The following LHX3 variants were observed in gnomAD, a reference collection of about 807,000 sequenced individuals.
The protein encoded by LHX3 is LIM homeobox 3.
LHX3 carries 21 observed loss-of-function variants against 32.4 expected under a neutral mutation model. The observed-to-expected ratio is 0.65, with a 90% confidence interval of 0.46 to 0.93. LHX3 has a LOEUF of 0.93. LHX3 is among the 40% of genes least tolerant of loss of function. The pLI is 0.00. For synonymous variants in LHX3, 258 were observed against 246.8 expected, an observed-to-expected ratio of 1.05 and a Z score of -0.43; for missense variants, 626 against 560.0, an observed-to-expected ratio of 1.12 and a Z score of -1.19.
chr9:136,197,849 C>A, intron 5 of LHX3, 106 bp from the exon 6 acceptor site: 1 of 1,198,562 alleles, frequency 8.3e-7, no homozygotes, highest in Non-Finnish European at 1.2e-6. Flanking sequence ...AGAGTGGCTG[C>A]CCCACACCAC....
intron 3 of LHX3, 109 bp downstream of exon 3, chr9:136,199,569 C>G: frequency 1.6e-6 from 2 of 1,214,156 alleles, no homozygotes; most frequent in Admixed American, 3.6e-5. Context: ...GCCCAGGCCC[C>G]CTTAGTGAGC....
chr9:136,200,038 G>A, intron 2 of LHX3, 158 bp from the exon 3 acceptor site: 1 of 757,434 alleles, frequency 1.3e-6, no homozygotes. Flanking sequence ...CCGGGGCAGA[G>A]CTGCCCACTC....
At chr9:136,199,935 C>T (rs1039431381) in intron 2 of LHX3, 55 bp from the exon 3 acceptor site, 10 of 1,529,140 alleles carry the variant, frequency 6.5e-6, no homozygotes, top group East Asian at 2.4e-5. Context: ...CATTTCGCCC[C>T]GAGCGGGTTG....
At chr9:136,197,810 G>T in intron 5 of LHX3, 67 bp from the exon 6 acceptor site, 1 of 1,538,728 alleles carries the variant, frequency 6.5e-7, no homozygotes, top group African/African-American at 1.4e-5. Flanking sequence ...GTCCCATCCT[G>T]CAGGCGGAGG....
chr9:136,204,823 C>T, intron 1 of LHX3, 111 bp downstream of exon 1: 2 of 888,342 alleles, frequency 2.3e-6, no homozygotes, highest in Admixed American at 2.1e-5. Context: ...TGTGTCCCGC[C>T]TGCAGAGCGG....
chr9:136,205,002 TC>T lies in LHX3; in HGVS notation c.10del (p.Glu4LysfsTer169). 1 of 1,587,250 alleles carries T rather than the reference TC, an allele frequency of 6.3e-7. No homozygotes were observed. On this transcript the variant is annotated frameshift_variant, in exon 1 of 6. Coordinates refer to ENST00000371748, the MANE Select transcript of LHX3 (RefSeq NM_178138.6). LOFTEE classifies it high-confidence loss of function. MLL[E>X]TGLERDRARP... ...CGCTCGGTCGCGCTCGAGCCCCGTTTCCAGCAGCATCGCGGCCACCAGGCCG... is the reference window on the plus strand; with the variant it reads ...CGCTCGGTCGCGCTCGAGCCCCGTTTCAGCAGCATCGCGGCCACCAGGCCG...
Position 136,197,464 on chromosome 9 carries a change from G to A in LHX3, c.1055C>T (p.Pro352Leu). 6.3e-7 allele frequency: 1 copy of A among 1,576,938 alleles called. No homozygotes were observed. The highest frequency in any genetic ancestry group is 8.6e-7 in the Non-Finnish European group (1 of 1,162,242). The change falls in exon 6 of 6, where the codon CCC (proline) becomes CTC (leucine). Residue 352 changes from proline to leucine, a missense_variant. By Grantham distance (98) the Pro-to-Leu change is moderately conservative. Coordinates refer to ENST00000371748, the MANE Select transcript of LHX3 (RefSeq NM_178138.6). The stretch of plus-strand genomic sequence containing the variant: ...CACCCTCATGGGTGGGGGCCCGCCG[G>A]GGGCTCCCGAGGGCACAAGGCCCAA... ...TSLGLVPSGA[P>L]GGPPPMRVLA...
Position 136,205,100 on chromosome 9 carries a change from C to A in LHX3, c.-88G>T. 6 of 1,173,860 alleles carry A rather than the reference C, an allele frequency of 5.1e-6. No homozygotes were observed. The highest frequency in any genetic ancestry group is 1.5e-5 in the South Asian group (1 of 68,284). The allele number at this position is 1,173,860 out of a possible 1,614,324, so 72.7% of individuals were successfully genotyped here. A position where few individuals can be genotyped will look rare whatever the true frequency, so the allele number is the denominator to read the frequency against. ...TCGGGGCTCCCAAGTCCCGCCGCGT[C>A]GTGCGGGGCAGGGAGCCCGGGAGCC... On this transcript the variant is annotated 5_prime_UTR_variant, in exon 1 of 6. Transcript: ENST00000371748.
intron 2 of LHX3, 48 bp downstream of exon 2, chr9:136,200,534 G>A: frequency 6.3e-7 from 1 of 1,590,584 alleles, no homozygotes; most frequent in Non-Finnish European, 8.6e-7. Context: ...AGTCCCTGGG[G>A]CAGGCGTGCC....
intron 1 of LHX3, among the ~76,000 whole-genome samples, chr9:136,203,356 A>C (rs1831692959): frequency 6.6e-6 from 1 of 152,026 alleles, no homozygotes; most frequent in South Asian, 2.1e-4. Flanking sequence ...GGCACCGGTA[A>C]GGGAGGGCCC....
intron 2 of LHX3, chr9:136,200,097 C>A: frequency 1.5e-6 from 1 of 678,230 alleles, no homozygotes; most frequent in Non-Finnish European, 2.7e-6. Flanking sequence ...GGAGCCCAGC[C>A]GCCATTGCCT....
rs540900711 is a variant in LHX3, at chr9:136,201,282, G to T, written c.80-529C>A. 2.8e-4 allele frequency: 351 copies of T among 1,269,928 alleles called. 1 individual carries two copies. The African/African-American group carries it at 3.8e-3, about 14-fold the overall frequency. The allele number at this position is 1,269,928 out of a possible 1,614,324, so 78.7% of individuals were successfully genotyped here. The stretch of plus-strand genomic sequence containing the variant: ...GTGGCCCTGTCTGCAGGCCTCCGGG[G>T]TAAATATCAATGCCTTCCCCATCAT... On this transcript the variant is annotated intron_variant, in intron 1 of 5. Coordinates refer to ENST00000371748, the MANE Select transcript of LHX3 (RefSeq NM_178138.6).
Position 136,200,681 on chromosome 9 carries a change from C to T in LHX3, c.152G>A (p.Trp51Ter). 4 of 1,613,570 alleles carry T rather than the reference C, an allele frequency of 2.5e-6. No homozygotes were observed. Among genetic ancestry groups the T allele is most frequent in the Non-Finnish European group, 3.4e-6 (4 of 1,180,000 alleles). ...GCTGCACTTGAGACACTTGCTGTGC[C>T]AGTGGCGGTCCAGAGCCTTGAGGAT... ...RFILKALDRH[W>*]HSKCLKCSDC... Residue 51 changes from tryptophan (W) to a stop codon, truncating the protein, a stop_gained, in exon 2 of 6, where the codon TGG becomes TAG. Transcript: ENST00000371748. LOFTEE classifies it high-confidence loss of function.
At position 136,200,622 on chromosome 9, in the gene LHX3, T is replaced by C; in HGVS notation, c.211A>G (p.Ser71Gly). Residue 71 changes from serine (S) to glycine (G), a missense_variant, in exon 2 of 6, where the codon AGC (serine) becomes GGC (glycine). Transcript: ENST00000371748. ...CHTPLAERCFSRGESVYCKDD... is the reference protein window; with the variant it reads ...CHTPLAERCFGRGESVYCKDD... ...TTGCAGTAAACGCTCTCCCCTCGGC[T>C]GAAGCAGCGCTCGGCCAGTGGCGTG... 6.2e-7 allele frequency: 1 copy of C among 1,613,608 alleles called. No homozygotes were observed. Among genetic ancestry groups the C allele is most frequent in the Non-Finnish European group, 8.5e-7 (1 of 1,180,022 alleles).
chr9:136,201,027 C>T lies in LHX3; in HGVS notation c.80-274G>A, dbSNP rs527572708. On this transcript the variant is annotated intron_variant, in intron 1 of 5. Coordinates refer to ENST00000371748, the MANE Select transcript of LHX3 (RefSeq NM_178138.6). ...CAAGAAAGCAGCCCAGGCCATTTCA[C>T]GAGGCTGAATACTCAATTACAAAAT... is the stretch of plus-strand genomic sequence containing the variant. 1.5e-4 allele frequency: 153 copies of T among 990,574 alleles called. 3 individuals carry two copies. In the Middle Eastern group the frequency reaches 2.0e-3, roughly 13 times the overall value. The allele number at this position is 990,574 out of a possible 1,614,324, so 61.4% of individuals were successfully genotyped here.
Position 136,197,423 on chromosome 9 carries a change from G to A in LHX3, c.1096C>T (p.Pro366Ser). 1.9e-6 allele frequency: 3 copies of A among 1,603,132 alleles called. No homozygotes were observed. Among genetic ancestry groups the A allele is most frequent in the Admixed American group, 1.7e-5 (1 of 58,804 alleles). Residue 366 changes from proline (P) to serine (S), a missense_variant, in exon 6 of 6, where the codon CCC becomes TCC. Pro to Ser is a moderately conservative substitution (Grantham distance 74). Transcript: ENST00000371748. Reference protein sequence around the residue: ...PPMRVLAGNGPSSDLSTGSSG... With the variant: ...PPMRVLAGNGSSSDLSTGSSG... ...CTCCCCGTGGATAGGTCAGAACTGG[G>A]TCCGTTCCCTGCCAGCACCCTCATG...
Position 136,199,033 on chromosome 9 carries a change from G to A in LHX3, c.481C>T (p.Arg161Cys), listed in dbSNP as rs1192983856. ...REAEATAKRPRTTITAKQLET... is the reference protein window; with the variant it reads ...REAEATAKRPCTTITAKQLET... ...AGCTGCTTGGCGGTGATGGTCGTGC[G>A]CGGCCGCTTGGCCGTGGCCTCGGCC... is the stretch of plus-strand genomic sequence containing the variant. Residue 161 changes from arginine to cysteine, a missense_variant, in exon 4 of 6, where the codon CGC (arginine) becomes TGC (cysteine). By Grantham distance (180) the Arg-to-Cys change is radical. Transcript: ENST00000371748. 1.3e-6 allele frequency: 2 copies of A among 1,579,144 alleles called. No individual in the cohort carries two copies. Among genetic ancestry groups the A allele is most frequent in the Middle Eastern group, 1.7e-4 (1 of 5,788 alleles).
intron 1 of LHX3, chr9:136,203,177 G>C: frequency 8.1e-7 from 1 of 1,236,492 alleles, no homozygotes; most frequent in Non-Finnish European, 1.0e-6. Flanking sequence ...CCGCCCTGGG[G>C]CCCGGAGCCT....
intron 3 of LHX3, 117 bp from the exon 4 acceptor site, chr9:136,199,176 G>T: frequency 4.2e-6 from 2 of 472,696 alleles, no homozygotes; most frequent in Non-Finnish European, 3.2e-6. Flanking sequence ...CCCCCATCCC[G>T]CCCCACAGGC....
Sources: allele counts gnomAD v4.1 joint callset (sites outside exome capture counted in the v4.1 genomes callset), GRCh38; gene constraint gnomAD v4.1.1; transcripts MANE v1.5; gene names NCBI Gene and HGNC (gene_info 2026-07-23, HGNC 2026-07-21).